PXDN: variants seen among roughly 807,000 people sequenced by gnomAD.
PXDN encodes the protein peroxidasin.
A neutral mutation model predicts 140.3 loss-of-function variants in PXDN; 77 were observed. That is an observed-to-expected ratio of 0.55 (90% CI 0.46 to 0.66). The LOEUF (loss-of-function observed/expected upper bound fraction) is 0.66. Among genes scored for constraint, PXDN ranks in the 30% least tolerant of loss-of-function variants. The pLI, the probability that PXDN is intolerant of heterozygous loss-of-function variation, is 0.00. For missense variants in PXDN, 1,838 were observed against 2,039.5 expected, an observed-to-expected ratio of 0.90 and a Z score of 1.90; for synonymous variants, 911 against 857.4, an observed-to-expected ratio of 1.06 and a Z score of -1.09.
At position 1,689,060 on chromosome 2, in the gene PXDN, G is replaced by C. The variant is rs193194736; in HGVS notation, c.345-1357C>G. Among the ~76,000 whole-genome samples, 59 of 152,190 alleles carry C rather than the reference G, an allele frequency of 3.9e-4. No homozygotes were observed. In the East Asian group the frequency reaches 0.01, roughly 27 times the overall value. On this transcript the variant is annotated intron_variant, in intron 3 of 22. Transcript: ENST00000252804. ...CCACCCAGAACTCCCCAGCGACCGA[G>C]AGCCCAGTGCCCGCAGCAGAGGCCT...
Position 1,660,143 on chromosome 2 carries a change from T to C in PXDN, c.1837+738A>G, listed in dbSNP as rs749691658. ...TTTGGGTCACACTGTGAAGACTCCA[T>C]GCAAAGCTAAAGGGTGTGAGTGTCA... On this transcript the variant is annotated intron_variant, in intron 14 of 22. Coordinates refer to ENST00000252804, the MANE Select transcript of PXDN (RefSeq NM_012293.3). The surrounding 1 kb of genome is among the most constrained non-coding windows in gnomAD (Gnocchi z 4.6). Among the ~76,000 whole-genome samples, 1 of 151,998 alleles carries C rather than the reference T, an allele frequency of 6.6e-6. No homozygotes were observed. The highest frequency in any genetic ancestry group is 2.4e-5 in the African/African-American group (1 of 41,392).
chr2:1,676,886 C>A, intron 8 of PXDN, 41 bp downstream of exon 8: 4 of 1,553,876 alleles, frequency 2.6e-6, no homozygotes, highest in Non-Finnish European at 3.5e-6. Context: ...AGTGTAACTC[C>A]GAGAGATGCA....
intron 8 of PXDN, chr2:1,676,453 G>A (rs184878073): frequency 4.7e-4 from 80 of 169,338 alleles, no homozygotes; most frequent in Non-Finnish European, 8.1e-4. Flanking sequence ...GGAGCTGAGC[G>A]AACCTGTGTC....
At chr2:1,663,923 C>T (rs757662095) in intron 11 of PXDN, 160 bp from the exon 12 acceptor site, 1 of 798,702 alleles carries the variant, frequency 1.3e-6, no homozygotes, top group Non-Finnish European at 2.0e-6. Flanking sequence ...CCCCAGCAGA[C>T]ACCATGGTGA....
intron 1 of PXDN, among the ~76,000 whole-genome samples, chr2:1,711,326 C>T (rs1572183186): frequency 9.6e-6 from 1 of 104,366 alleles, no homozygotes; most frequent in Admixed American, 9.3e-5. Context: ...TCCACCAGCA[C>T]CCGCTCCACC....
intron 3 of PXDN, among the ~76,000 whole-genome samples, chr2:1,690,495 C>G (rs1684160896): frequency 6.6e-6 from 1 of 151,898 alleles, no homozygotes; most frequent in African/African-American, 2.4e-5. Context: ...TAATTCAAAA[C>G]CAGTGACAAA....
chr2:1,720,662 C>CATCTCTTTCTCTCTCTCTGT, intron 1 of PXDN, among the ~76,000 whole-genome samples: 1 of 149,460 alleles, frequency 6.7e-6, no homozygotes, highest in Admixed American at 6.8e-5. Context: ...TCTCTCTCTG[C>CATCTCTTTCTCTCTCTCTGT]ATCTCTTTCT....
chr2:1,725,265 G>A (rs530864997), intron 1 of PXDN, among the ~76,000 whole-genome samples: 8 of 152,136 alleles, frequency 5.3e-5, no homozygotes, highest in Middle Eastern at 3.4e-3. Context: ...GGAATCTTTA[G>A]GATTTTCTAT....
chr2:1,740,366 G>C (rs543839412), intron 1 of PXDN, among the ~76,000 whole-genome samples: 1 of 152,116 alleles, frequency 6.6e-6, no homozygotes, highest in Non-Finnish European at 1.5e-5. Flanking sequence ...GATGAACCTC[G>C]GGACCCATGT....
chr2:1,711,856 T>C (rs1319022290), intron 1 of PXDN, among the ~76,000 whole-genome samples: 2 of 151,766 alleles, frequency 1.3e-5, no homozygotes, highest in East Asian at 1.9e-4. Context: ...TCCCTATAAA[T>C]AGGGGCCTGG....
Position 1,714,601 on chromosome 2 carries a change from C to G in PXDN, c.201-21467G>C, listed in dbSNP as rs963148022. On this transcript the variant is annotated intron_variant, in intron 1 of 22. Transcript: ENST00000252804. This position sits in a 1 kb window ranked among gnomAD's most constrained non-coding sequence, Gnocchi z 4.3. ...GCTTGAGGTGCAGATCCTGGCCTTG[C>G]AGCTCCTGAATTCTGTCTCTGCAGC... 2.0e-4 allele frequency among the ~76,000 whole-genome samples: 30 copies of G among 152,314 alleles called. No individual in the cohort carries two copies. The highest frequency in any genetic ancestry group is 6.7e-4 in the African/African-American group (28 of 41,574).
chr2:1,638,743 G>A, intron 21 of PXDN, 103 bp downstream of exon 21: 1 of 1,545,962 alleles, frequency 6.5e-7, no homozygotes, highest in Non-Finnish European at 8.9e-7. Flanking sequence ...GTGGGCAGTT[G>A]AACAGTTGCC....
At position 1,649,705 on chromosome 2, in the gene PXDN, C is replaced by A. The variant is rs878881594; in HGVS notation, c.2105-30G>T. 1 of 1,610,946 alleles carries A rather than the reference C, an allele frequency of 6.2e-7. No homozygotes were observed. Among genetic ancestry groups the A allele is most frequent in the South Asian group, 1.1e-5 (1 of 90,790 alleles). ...GACGTGGAGAAAAGCAAGACGCACTCAATTCCCCTGGAGGATGTGTGAGGG... is the reference window on the plus strand; with the variant it reads ...GACGTGGAGAAAAGCAAGACGCACTAAATTCCCCTGGAGGATGTGTGAGGG... On this transcript the variant is annotated intron_variant, in intron 16 of 22. Coordinates refer to ENST00000252804, the MANE Select transcript of PXDN (RefSeq NM_012293.3). This position sits in a 1 kb window ranked among gnomAD's most constrained non-coding sequence, Gnocchi z 7.1.
At chr2:1,718,376 T>G (rs1220683188) in intron 1 of PXDN, among the ~76,000 whole-genome samples, 1 of 150,986 alleles carries the variant, frequency 6.6e-6, no homozygotes, top group Non-Finnish European at 1.5e-5. Flanking sequence ...CTCTACTAAC[T>G]TACCACCCAA....
rs114356459 is a variant in PXDN at position 1,714,623 on chromosome 2, C to A, written c.201-21489G>T. 1.1e-4 allele frequency among the ~76,000 whole-genome samples: 16 copies of A among 152,220 alleles called. No individual in the cohort carries two copies. The highest frequency in any genetic ancestry group is 2.4e-5 in the African/African-American group (1 of 41,460). ...TTGCAGCTCCTGAATTCTGTCTCTG[C>A]AGCAGGAATGCGGCCACAGAAGAGG... On this transcript the variant is annotated intron_variant, in intron 1 of 22. Coordinates refer to ENST00000252804, the MANE Select transcript of PXDN (RefSeq NM_012293.3). The surrounding 1 kb of genome is among the most constrained non-coding windows in gnomAD (Gnocchi z 4.3).
intron 14 of PXDN, among the ~76,000 whole-genome samples, chr2:1,655,049 A>G (rs1683098029): frequency 6.6e-6 from 1 of 150,774 alleles, no homozygotes; most frequent in African/African-American, 2.4e-5. Flanking sequence ...CACACACACA[A>G]TCACATTATA....
rs572180977 is a variant in PXDN, at chr2:1,673,143, T to C, written c.1018+500A>G. On this transcript the variant is annotated intron_variant, in intron 9 of 22. Transcript: ENST00000252804. ...GATGGATGAGAGGCCACAGCTGGACTTGATGCGGCTGAGACAGTTTTTAAA... is the reference window on the plus strand; with the variant it reads ...GATGGATGAGAGGCCACAGCTGGACCTGATGCGGCTGAGACAGTTTTTAAA... Among the ~76,000 whole-genome samples, 11 of 152,382 alleles carry C rather than the reference T, an allele frequency of 7.2e-5. No homozygotes were observed. In the East Asian group the frequency reaches 9.6e-4, roughly 13 times the overall value.
intron 1 of PXDN, among the ~76,000 whole-genome samples, chr2:1,739,557 G>A (rs190742213): frequency 1.3e-5 from 2 of 152,270 alleles, no homozygotes; most frequent in Admixed American, 6.5e-5. Context: ...TTCCAGACAC[G>A]TGGCACTCAT....
intron 16 of PXDN, among the ~76,000 whole-genome samples, chr2:1,650,004 G>T (rs899979915): frequency 6.6e-6 from 1 of 152,052 alleles, no homozygotes; most frequent in African/African-American, 2.4e-5. Context: ...CCCGACCCAC[G>T]TTGACCAGTC....
Sources: allele counts gnomAD v4.1 joint callset (sites outside exome capture counted in the v4.1 genomes callset), GRCh38; gene constraint gnomAD v4.1.1; non-coding constraint Gnocchi (gnomAD v3.1); transcripts MANE v1.5; gene names NCBI Gene and HGNC (gene_info 2026-07-23, HGNC 2026-07-21).